Variants in HAAO observed in about 807,000 individuals in gnomAD.
HAAO encodes 3-hydroxyanthranilate 3,4-dioxygenase.
Under a neutral mutation model 46.2 loss-of-function variants are expected in HAAO, and 49 were observed. The ratio of observed to expected loss-of-function variants is 1.06; its 90% confidence interval spans 0.84 to 1.34. HAAO has a LOEUF of 1.34. Among genes scored for constraint, HAAO ranks in the 40% most tolerant of loss-of-function variants. HAAO has a pLI of 0.00. For missense variants in HAAO, 408 were observed against 364.5 expected, an observed-to-expected ratio of 1.12 and a Z score of -0.97; for synonymous variants, 157 against 145.2, an observed-to-expected ratio of 1.08 and a Z score of -0.58.
intron 1 of HAAO, chr2:42,789,010 A>C: frequency 3.8e-6 from 1 of 263,666 alleles, no homozygotes; most frequent in South Asian, 5.0e-5. Context: ...CCACTCACCC[A>C]TGCTGTCTGA....
At position 42,767,240 on chromosome 2, in the gene HAAO, G is replaced by C; in HGVS notation, c.*197C>G. On this transcript the variant is annotated 3_prime_UTR_variant, in exon 10 of 10. Coordinates refer to ENST00000294973, the MANE Select transcript of HAAO (RefSeq NM_012205.3). ...GTGGGCTGAGTCTGCCAGAGAAGAT[G>C]GGGAGCTGCTGCCCGCCCAGGGGCA... 1.6e-6 allele frequency: 1 copy of C among 615,746 alleles called. No individual in the cohort carries two copies. The highest frequency in any genetic ancestry group is 2.9e-6 in the Non-Finnish European group (1 of 341,448). 38.1% of individuals were successfully genotyped at this position (615,746 alleles called of 1,614,324 possible). A position where few individuals can be genotyped will look rare whatever the true frequency, so the allele number is the denominator to read the frequency against.
chr2:42,767,331 G>T lies in HAAO; in HGVS notation c.*106C>A, dbSNP rs17630329. 22,395 of 775,106 alleles carry T rather than the reference G, an allele frequency of 0.029. 438 individuals carry two copies. Among genetic ancestry groups the T allele is most frequent in the Non-Finnish European group, 0.039 (17,213 of 442,270 alleles). The allele number at this position is 775,106 out of a possible 1,614,324, so 48.0% of individuals were successfully genotyped here. ...AATGTGCAGGTCTGTGGGGGACACAGCGGCAGTACACAGAGAGGTAGTGGG... is the reference window on the plus strand; with the variant it reads ...AATGTGCAGGTCTGTGGGGGACACATCGGCAGTACACAGAGAGGTAGTGGG... On this transcript the variant is annotated 3_prime_UTR_variant, in exon 10 of 10. Coordinates refer to ENST00000294973, the MANE Select transcript of HAAO (RefSeq NM_012205.3).
At position 42,767,379 on chromosome 2, in the gene HAAO, G is replaced by C. The variant is rs2104632351; in HGVS notation, c.*58C>G. On this transcript the variant is annotated 3_prime_UTR_variant, in exon 10 of 10. Coordinates refer to ENST00000294973, the MANE Select transcript of HAAO (RefSeq NM_012205.3). ...GGGGGCTGGGAGAGTTGTTTGGCAG[G>C]GATGGCACTCGAGGGTGCTTGGCAC... 2 of 1,200,894 alleles carry C rather than the reference G, an allele frequency of 1.7e-6. No homozygotes were observed. Among genetic ancestry groups the C allele is most frequent in the South Asian group, 2.5e-5 (2 of 80,292 alleles). 74.4% of individuals were successfully genotyped at this position (1,200,894 alleles called of 1,614,324 possible). A position where few individuals can be genotyped will look rare whatever the true frequency, so the allele number is the denominator to read the frequency against.
intron 4 of HAAO, among the ~76,000 whole-genome samples, chr2:42,774,544 C>G (rs1671393642): frequency 6.6e-6 from 1 of 152,120 alleles, no homozygotes; most frequent in Admixed American, 6.5e-5. Context: ...GCTTCCATGA[C>G]AATGGAAGGC....
intron 4 of HAAO, among the ~76,000 whole-genome samples, chr2:42,773,241 C>T (rs1398922348): frequency 2.0e-5 from 3 of 152,232 alleles, no homozygotes; most frequent in South Asian, 4.1e-4. Flanking sequence ...GCACCTCCCC[C>T]ATAGGATCGC....
At position 42,769,961 on chromosome 2, in the gene HAAO, G is replaced by T. The variant is rs545012208; in HGVS notation, c.485-103C>A. The stretch of plus-strand genomic sequence containing the variant: ...CCCCAGGTCTCAATTGCCAGAACAG[G>T]CTCTGTATCCAGCTCAATGATCAAG... On this transcript the variant is annotated intron_variant, in intron 6 of 9. Transcript: ENST00000294973. The T allele has an allele frequency of 8.8e-5, 114 of 1,300,708 alleles. 1 individual carries two copies. In the Middle Eastern group the frequency reaches 1.0e-3, roughly 11 times the overall value. 80.6% of individuals were successfully genotyped at this position (1,300,708 alleles called of 1,614,324 possible). A position where few individuals can be genotyped will look rare whatever the true frequency, so the allele number is the denominator to read the frequency against.
Position 42,767,651 on chromosome 2 carries a change from C to G in HAAO, c.726G>C (p.Gly242=). The stretch of plus-strand genomic sequence containing the variant: ...CAGGGGCCAGGCTCAGGCGCCGTCC[C>G]CCCATTGTCACCACCGAGGAGCCCT... The part of the protein sequence containing the change: ...QLEGSSVVTM[G]GRRLSLAPDD... The change falls in exon 9 of 10, where the codon GGG becomes GGC. Residue 242 remains glycine, a synonymous_variant. Coordinates refer to ENST00000294973, the MANE Select transcript of HAAO (RefSeq NM_012205.3). The G allele has an allele frequency of 6.4e-7, 1 of 1,569,046 alleles. No individual in the cohort carries two copies. Among genetic ancestry groups the G allele is most frequent in the Non-Finnish European group, 8.6e-7 (1 of 1,156,224 alleles).
chr2:42,770,379 TG>T, intron 5 of HAAO, 113 bp downstream of exon 5: 2 of 931,376 alleles, frequency 2.1e-6, no homozygotes, highest in Non-Finnish European at 3.3e-6. Context: ...GGCCTGGCAG[TG>T]GGCTCTCTGG....
chr2:42,783,855 G>A lies in HAAO; in HGVS notation c.172C>T (p.Leu58=), dbSNP rs1672197418. The A allele has an allele frequency of 6.2e-7, 1 of 1,610,816 alleles. No individual in the cohort carries two copies. The highest frequency in any genetic ancestry group is 1.1e-5 in the South Asian group (1 of 90,288). The part of the protein sequence containing the change: ...IEEGEEVFYQ[L]EGDMVLRVLE... The stretch of plus-strand genomic sequence containing the variant: ...ACTCGGAGAACCATGTCTCCCTCCA[G>A]CTGGTAAAATACCTGTGGGACAGGA... The change falls in exon 3 of 10, where the codon CTG becomes TTG. Residue 58 remains leucine, a synonymous_variant. Coordinates refer to ENST00000294973, the MANE Select transcript of HAAO (RefSeq NM_012205.3).
At position 42,770,196 on chromosome 2, in the gene HAAO, C is replaced by A; in HGVS notation, c.441-10G>T. The A allele has an allele frequency of 6.3e-7, 1 of 1,594,462 alleles. No homozygotes were observed. Among genetic ancestry groups the A allele is most frequent in the Non-Finnish European group, 8.6e-7 (1 of 1,169,048 alleles). ...CTCAGAGCTGAAGAACCTGCAAGGA[C>A]GAACAGGGAGGAGCAGGAGTGGCGA... On this transcript the variant is annotated splice_polypyrimidine_tract_variant and intron_variant, in intron 5 of 9. Coordinates refer to ENST00000294973, the MANE Select transcript of HAAO (RefSeq NM_012205.3).
chr2:42,776,231 CTTTTTTTTTTTTT>C (rs57398023), intron 4 of HAAO, among the ~76,000 whole-genome samples: 3 of 71,198 alleles, frequency 4.2e-5, no homozygotes, highest in South Asian at 6.3e-4. Context: ...TGGCATCCAT[CTTTTTTTTTTTTT>C]TTTTTTTTTT....
At position 42,792,571 on chromosome 2, in the gene HAAO, C is replaced by G; in HGVS notation, c.-35G>C. 1.4e-6 allele frequency: 2 copies of G among 1,481,126 alleles called. 1 individual carries two copies. The allele number at this position is 1,481,126 out of a possible 1,614,324, so 91.7% of individuals were successfully genotyped here. A position where few individuals can be genotyped will look rare whatever the true frequency, so the allele number is the denominator to read the frequency against. On this transcript the variant is annotated 5_prime_UTR_variant, in exon 1 of 10. Transcript: ENST00000294973. ...GGGCGCCTCCTCGCAGCGCTGTCCTCCCGCCGTCGGAGGCCCGCAGCTCCG... is the reference window on the plus strand; with the variant it reads ...GGGCGCCTCCTCGCAGCGCTGTCCTGCCGCCGTCGGAGGCCCGCAGCTCCG...
intron 4 of HAAO, among the ~76,000 whole-genome samples, chr2:42,781,262 A>G (rs1671974261): frequency 6.6e-6 from 1 of 152,204 alleles, no homozygotes; most frequent in Non-Finnish European, 1.5e-5. Context: ...AATTGGAGAA[A>G]CTGGTTATTT....
intron 2 of HAAO, 148 bp from the exon 3 acceptor site, chr2:42,784,015 G>A: frequency 7.0e-7 from 1 of 1,431,972 alleles, no homozygotes; most frequent in Non-Finnish European, 9.3e-7. Flanking sequence ...TCTGTCCTGA[G>A]GCCTGTCTCC....
At chr2:42,780,448 C>T (rs917904190) in intron 4 of HAAO, among the ~76,000 whole-genome samples, 3 of 151,850 alleles carry the variant, frequency 2.0e-5, no homozygotes, top group East Asian at 3.9e-4. Context: ...CCTCGTGATC[C>T]ACCCGCCTCG....
intron 4 of HAAO, among the ~76,000 whole-genome samples, chr2:42,774,988 C>T (rs1470782936): frequency 2.6e-5 from 4 of 152,322 alleles, no homozygotes; most frequent in African/African-American, 9.6e-5. Context: ...GTGGCTCACA[C>T]CTGTAATCCC....
chr2:42,788,674 G>A (rs62143190), intron 1 of HAAO, 67 bp from the exon 2 acceptor site: 212,121 of 1,038,092 alleles, frequency 0.2, 24,000 homozygotes, highest in Middle Eastern at 0.23. Context: ...CACGGGTCCC[G>A]TGGGGGCCAG....
chr2:42,770,423 C>T, intron 5 of HAAO, 70 bp downstream of exon 5: 1 of 1,180,594 alleles, frequency 8.5e-7, no homozygotes, highest in Non-Finnish European at 1.2e-6. Flanking sequence ...GGGAGACTTT[C>T]TCCCAGGGCA....
intron 4 of HAAO, chr2:42,782,947 G>A: frequency 2.2e-6 from 1 of 450,492 alleles, no homozygotes; most frequent in South Asian, 1.7e-5. Context: ...AGGACCTCCT[G>A]AGGCTGTGTC....
Sources: allele counts gnomAD v4.1 joint callset (sites outside exome capture counted in the v4.1 genomes callset), GRCh38; gene constraint gnomAD v4.1.1; transcripts MANE v1.5; gene names NCBI Gene and HGNC (gene_info 2026-07-23, HGNC 2026-07-21).